BRAF: variants seen among roughly 807,000 people sequenced by gnomAD.
The protein encoded by BRAF is serine/threonine-protein kinase B-raf.
Under a neutral mutation model 104.6 loss-of-function variants are expected in BRAF, and 16 were observed. The observed-to-expected ratio is 0.15, with a 90% confidence interval of 0.10 to 0.23. BRAF has a LOEUF of 0.23. BRAF is among the 10% of genes least tolerant of loss of function. The pLI, the probability that BRAF is intolerant of heterozygous loss-of-function variation, is 1.00. For missense variants in BRAF, 541 were observed against 937.3 expected, an observed-to-expected ratio of 0.58 and a Z score of 5.52; for synonymous variants, 310 against 341.6, an observed-to-expected ratio of 0.91 and a Z score of 1.02.
At chr7:140,913,359 G>T (rs1817214342) in intron 1 of BRAF, among the ~76,000 whole-genome samples, 1 of 150,956 alleles carries the variant, frequency 6.6e-6, no homozygotes, top group African/African-American at 2.4e-5. Context: ...CATATAGTAG[G>T]CACTCAAATA....
chr7:140,920,115 T>C (rs1279806931), intron 1 of BRAF, among the ~76,000 whole-genome samples: 2 of 152,100 alleles, frequency 1.3e-5, no homozygotes, highest in African/African-American at 4.8e-5. Context: ...CAAAATCTAG[T>C]AAGAGCTACT....
chr7:140,844,345 A>G (rs1057302995), intron 2 of BRAF, among the ~76,000 whole-genome samples: 1 of 152,230 alleles, frequency 6.6e-6, no homozygotes, highest in African/African-American at 2.4e-5. Flanking sequence ...TAGTATTGCT[A>G]CAAAGCAAGA....
intron 11 of BRAF, among the ~76,000 whole-genome samples, chr7:140,782,510 A>AAGATCCTCTT (rs985025291): frequency 3.3e-5 from 5 of 152,068 alleles, no homozygotes; most frequent in African/African-American, 9.7e-5. Flanking sequence ...GGTAGGGTAA[A>AAGATCCTCTT]AGATCCTCTT....
intron 14 of BRAF, among the ~76,000 whole-genome samples, chr7:140,774,881 A>G (rs1028043583): frequency 6.6e-6 from 1 of 152,220 alleles, no homozygotes; most frequent in Non-Finnish European, 1.5e-5. Flanking sequence ...AAATCTATCA[A>G]TAATATGCAG....
intron 1 of BRAF, among the ~76,000 whole-genome samples, chr7:140,909,809 A>AAAC (rs142186028): frequency 0.031 from 4,644 of 148,756 alleles, 137 homozygotes; most frequent in East Asian, 0.17. Flanking sequence ...CTCCGTCTCA[A>AAAC]AACAACAACA....
At chr7:140,742,082 T>C (rs1477805943) in intron 17 of BRAF, among the ~76,000 whole-genome samples, 1 of 152,232 alleles carries the variant, frequency 6.6e-6, no homozygotes, top group Non-Finnish European at 1.5e-5. Flanking sequence ...GATAACTTTT[T>C]GCTAGTTGAT....
Position 140,910,389 on chromosome 7 carries a change from T to TA in BRAF, c.138+14176dup, listed in dbSNP as rs1691591936. Among the ~76,000 whole-genome samples the TA allele has an allele frequency of 2.0e-5, 3 of 152,370 alleles. No homozygotes were observed. In the South Asian group the frequency reaches 6.2e-4, roughly 32 times the overall value. On this transcript the variant is annotated intron_variant, in intron 1 of 19. Transcript: ENST00000644969. ...AACTTCCCATGTCTTCTTGATCTGT[T>TA]ATCCACTTTGGTGGTTAATCACGTG...
chr7:140,918,826 T>C (rs1406647854), intron 1 of BRAF, among the ~76,000 whole-genome samples: 1 of 152,228 alleles, frequency 6.6e-6, no homozygotes, highest in Non-Finnish European at 1.5e-5. Context: ...CAGTTTCACA[T>C]ATGCATTAGT....
intron 14 of BRAF, among the ~76,000 whole-genome samples, chr7:140,763,236 G>A (rs1798939618): frequency 6.6e-6 from 1 of 151,880 alleles, no homozygotes; most frequent in African/African-American, 2.4e-5. Flanking sequence ...CGGGCGGGGG[G>A]CTGACCCCCC....
At chr7:140,786,145 G>A (rs950017453) in intron 9 of BRAF, among the ~76,000 whole-genome samples, 1 of 152,060 alleles carries the variant, frequency 6.6e-6, no homozygotes, top group Non-Finnish European at 1.5e-5. Context: ...AGTCAAACTG[G>A]CAGCAACATT....
Position 140,722,918 on chromosome 7 carries a change from C to G in BRAF, c.*3576G>C. ...ATATTCCGAGCAACACATTTTTTTA[C>G]AGTATTACTGCTTAAATGTATAATG... On this transcript the variant is annotated 3_prime_UTR_variant, in exon 20 of 20. Coordinates refer to ENST00000644969, the MANE Select transcript of BRAF (RefSeq NM_001374258.1). 9.5e-7 allele frequency: 1 copy of G among 1,055,398 alleles called. No individual in the cohort carries two copies. The highest frequency in any genetic ancestry group is 4.6e-5 in the South Asian group (1 of 21,904). 65.4% of individuals were successfully genotyped at this position (1,055,398 alleles called of 1,614,324 possible).
chr7:140,717,715 G>A (rs960424430), downstream of BRAF, among the ~76,000 whole-genome samples: 5 of 152,036 alleles, frequency 3.3e-5, no homozygotes, highest in Admixed American at 2.6e-4. Context: ...ATAGTTCTGG[G>A]CTAAATTTTA....
chr7:140,901,412 C>A lies in BRAF; in HGVS notation c.138+23154G>T, dbSNP rs116120484. Among the ~76,000 whole-genome samples the A allele has an allele frequency of 7.5e-3, 1,141 of 152,100 alleles. 20 individuals are homozygous for A. The highest frequency in any genetic ancestry group is 0.026 in the African/African-American group (1,088 of 41,502). ...CCTACCATAGAGCATTAAAAATTTG[C>A]CGAGTGGAAAAAGGAATTAAAGAAG... On this transcript the variant is annotated intron_variant, in intron 1 of 19. Transcript: ENST00000644969.
rs374703287 is a variant in BRAF at position 140,723,464 on chromosome 7, G to A, written c.*3030C>T. ...AAATACAATCAGGGGTGAGATATTC[G>A]GGAACCAGAATTTGACAGCTAGACA... is the stretch of plus-strand genomic sequence containing the variant. On this transcript the variant is annotated 3_prime_UTR_variant, in exon 20 of 20. Coordinates refer to ENST00000644969, the MANE Select transcript of BRAF (RefSeq NM_001374258.1). 1.9e-5 allele frequency: 20 copies of A among 1,052,678 alleles called. No homozygotes were observed. The Admixed American group carries it at 3.3e-4, about 18-fold the overall frequency. The allele number at this position is 1,052,678 out of a possible 1,614,324, so 65.2% of individuals were successfully genotyped here.
intron 14 of BRAF, among the ~76,000 whole-genome samples, chr7:140,759,798 G>C (rs1798519238): frequency 6.6e-6 from 1 of 152,244 alleles, no homozygotes; most frequent in Admixed American, 6.5e-5. Context: ...GAATATGCCT[G>C]AAAGCAGTGT....
Position 140,721,464 on chromosome 7 carries a change from A to T in BRAF, c.*5030T>A, listed in dbSNP as rs892729789. 1 of 1,266,322 alleles carries T rather than the reference A, an allele frequency of 7.9e-7. No homozygotes were observed. The highest frequency in any genetic ancestry group is 9.9e-7 in the Non-Finnish European group (1 of 1,006,724). The allele number at this position is 1,266,322 out of a possible 1,614,324, so 78.4% of individuals were successfully genotyped here. A position where few individuals can be genotyped will look rare whatever the true frequency, so the allele number is the denominator to read the frequency against. On this transcript the variant is annotated 3_prime_UTR_variant, in exon 20 of 20. Coordinates refer to ENST00000644969, the MANE Select transcript of BRAF (RefSeq NM_001374258.1). ...ATGTCTTTGCCCAAACAAAAGTGAAAATAGGTTATTTGAAAACAACAAAAC... is the reference window on the plus strand; with the variant it reads ...ATGTCTTTGCCCAAACAAAAGTGAATATAGGTTATTTGAAAACAACAAAAC...
At chr7:140,908,318 A>G (rs1204092686) in intron 1 of BRAF, among the ~76,000 whole-genome samples, 4 of 152,216 alleles carry the variant, frequency 2.6e-5, no homozygotes, top group African/African-American at 9.7e-5. Context: ...TACATATTAT[A>G]TATCTCTCAG....
intron 1 of BRAF, among the ~76,000 whole-genome samples, chr7:140,858,629 A>G (rs1277546404): frequency 6.6e-6 from 1 of 152,196 alleles, no homozygotes; most frequent in Non-Finnish European, 1.5e-5. Context: ...GATGGAAGAT[A>G]GCTGCAAGAG....
intron 1 of BRAF, among the ~76,000 whole-genome samples, chr7:140,907,197 T>C (rs551369748): frequency 1.3e-5 from 2 of 152,304 alleles, no homozygotes; most frequent in Admixed American, 6.5e-5. Context: ...TTAGGTATAT[T>C]TGGTAAAGTG....
Sources: gnomAD v4.1 joint callset for allele counts (sites outside exome capture counted in the v4.1 genomes callset) on GRCh38, gnomAD v4.1.1 for gene constraint, MANE v1.5 for transcripts, NCBI Gene and HGNC (gene_info 2026-07-23, HGNC 2026-07-21) for gene names.